The following ADAM10 variants were observed in gnomAD, a reference collection of about 807,000 sequenced individuals.
ADAM10 encodes disintegrin and metalloproteinase domain-containing protein 10.
ADAM10 carries 17 observed loss-of-function variants against 90.1 expected under a neutral mutation model. The ratio of observed to expected loss-of-function variants is 0.19; its 90% CI spans 0.13 to 0.28. The LOEUF is 0.28. Among genes scored for constraint, ADAM10 ranks in the 10% least tolerant of loss-of-function variants. The pLI, the probability that ADAM10 is intolerant of heterozygous loss-of-function variation, is 1.00. For synonymous variants in ADAM10, 310 were observed against 298.6 expected (o/e 1.04, Z -0.40); for missense variants, 610 against 914.3 (o/e 0.67, Z 4.29).
intron 12 of ADAM10, 38 bp from the exon 13 acceptor site, chr15:58,611,145 T>C (rs1895427391): frequency 5.5e-6 from 8 of 1,465,812 alleles, no homozygotes; most frequent in Non-Finnish European, 7.7e-6. Flanking sequence ...TTAATCCCTA[T>C]ACAGTCAAAC....
chr15:58,658,641 C>A (rs1896890350), intron 5 of ADAM10, among the ~76,000 whole-genome samples: 1 of 152,108 alleles, frequency 6.6e-6, no homozygotes, highest in Non-Finnish European at 1.5e-5. Context: ...GTTTATTTCT[C>A]AATTTATTTA....
At chr15:58,637,829 A>T (rs1232013365) in intron 8 of ADAM10, among the ~76,000 whole-genome samples, 1 of 152,146 alleles carries the variant, frequency 6.6e-6, no homozygotes, top group African/African-American at 2.4e-5. Context: ...TAGGTTGGTC[A>T]CAAAGTTTCT....
intron 10 of ADAM10, among the ~76,000 whole-genome samples, chr15:58,624,229 T>C (rs550789884): frequency 1.3e-5 from 2 of 151,672 alleles, no homozygotes; most frequent in African/African-American, 4.9e-5. Flanking sequence ...GAGGTTGCAG[T>C]GAGCCGAGAT....
At chr15:58,618,029 T>A (rs1346472178) in intron 11 of ADAM10, among the ~76,000 whole-genome samples, 1 of 151,930 alleles carries the variant, frequency 6.6e-6, no homozygotes, top group Non-Finnish European at 1.5e-5. Context: ...TCTTCACAGA[T>A]AAAGAGAAAA....
intron 4 of ADAM10, among the ~76,000 whole-genome samples, chr15:58,673,798 G>A (rs1897252536): frequency 6.6e-6 from 1 of 151,194 alleles, no homozygotes; most frequent in Non-Finnish European, 1.5e-5. Flanking sequence ...GCAGTGGCAT[G>A]ATCTCGGCTC....
intron 4 of ADAM10, among the ~76,000 whole-genome samples, chr15:58,667,955 GA>G (rs1316461539): frequency 1.3e-5 from 2 of 151,802 alleles, no homozygotes; most frequent in Admixed American, 1.3e-4. Flanking sequence ...ATTGTCCCTA[GA>G]AAGAGGAGGA....
At chr15:58,629,843 G>A (rs751099321) in intron 9 of ADAM10, among the ~76,000 whole-genome samples, 1 of 151,910 alleles carries the variant, frequency 6.6e-6, no homozygotes, top group East Asian at 1.9e-4. Flanking sequence ...CGTGATCCTG[G>A]CTCACTGCAA....
At chr15:58,689,852 CT>C (rs1411182738) in intron 2 of ADAM10, among the ~76,000 whole-genome samples, 6 of 150,646 alleles carry the variant, frequency 4.0e-5, no homozygotes, top group Non-Finnish European at 1.5e-5. Flanking sequence ...GATGGTTCCC[CT>C]GATGTCCTAT....
chr15:58,639,603 C>G (rs1896360149), intron 8 of ADAM10, among the ~76,000 whole-genome samples: 1 of 152,110 alleles, frequency 6.6e-6, no homozygotes, highest in Non-Finnish European at 1.5e-5. Context: ...TCATAAAAGA[C>G]AAATATCCAA....
intron 5 of ADAM10, among the ~76,000 whole-genome samples, chr15:58,646,827 T>A (rs1255181175): frequency 6.6e-6 from 1 of 152,198 alleles, no homozygotes; most frequent in African/African-American, 2.4e-5. Flanking sequence ...TTACACAGCC[T>A]CTACTTAACT....
chr15:58,671,504 G>C (rs540773960), intron 4 of ADAM10, among the ~76,000 whole-genome samples: 165 of 152,282 alleles, frequency 1.1e-3, no homozygotes, highest in African/African-American at 3.8e-3. Flanking sequence ...TTAGCTCCGA[G>C]TATCTCTAGG....
intron 5 of ADAM10, among the ~76,000 whole-genome samples, chr15:58,660,393 T>C (rs1455559413): frequency 6.6e-6 from 1 of 152,124 alleles, no homozygotes; most frequent in African/African-American, 2.4e-5. Context: ...TTCATTTAAA[T>C]TGCATTTCTT....
At chr15:58,704,989 C>A (rs1256906235) in intron 2 of ADAM10, among the ~76,000 whole-genome samples, 3 of 152,074 alleles carry the variant, frequency 2.0e-5, no homozygotes, top group African/African-American at 7.2e-5. Flanking sequence ...CATTAGTCTC[C>A]AGCAAGTCTT....
chr15:58,736,393 T>A (rs1445379128), intron 1 of ADAM10, among the ~76,000 whole-genome samples: 1 of 151,812 alleles, frequency 6.6e-6, no homozygotes, highest in African/African-American at 2.4e-5. Flanking sequence ...TTAATACTTA[T>A]AAGCCCCATG....
At chr15:58,680,120 G>T (rs1897389216) in intron 3 of ADAM10, among the ~76,000 whole-genome samples, 1 of 151,886 alleles carries the variant, frequency 6.6e-6, no homozygotes, top group Admixed American at 6.6e-5. Context: ...TTTGTTTTGT[G>T]TTTTGTTTTG....
chr15:58,632,014 G>T (rs1896117255), intron 9 of ADAM10, among the ~76,000 whole-genome samples: 1 of 150,998 alleles, frequency 6.6e-6, no homozygotes. Flanking sequence ...GCTACAAGTA[G>T]ACAACTTATT....
At chr15:58,666,503 T>C (rs1217562975) in intron 4 of ADAM10, among the ~76,000 whole-genome samples, 1 of 151,946 alleles carries the variant, frequency 6.6e-6, no homozygotes, top group Non-Finnish European at 1.5e-5. Context: ...CAGTCCTTGC[T>C]TTGCCACACC....
intron 5 of ADAM10, among the ~76,000 whole-genome samples, chr15:58,647,399 T>G (rs1038793451): frequency 6.6e-6 from 1 of 151,530 alleles, no homozygotes; most frequent in Non-Finnish European, 1.5e-5. Context: ...TAGCTGGGAC[T>G]ACCGGCGCCT....
chr15:58,749,174 C>G, intron 1 of ADAM10: 1 of 403,440 alleles, frequency 2.5e-6, no homozygotes, highest in East Asian at 3.6e-5. Flanking sequence ...CCGCTCTCAC[C>G]AGGCGACGCG....
Sources: allele counts gnomAD v4.1 joint callset (sites outside exome capture counted in the v4.1 genomes callset), GRCh38; gene constraint gnomAD v4.1.1; transcripts MANE v1.5; gene names NCBI Gene and HGNC (gene_info 2026-07-23, HGNC 2026-07-21).